The following DOCK2 variants were observed in gnomAD, a reference collection of about 807,000 sequenced individuals.
DOCK2 encodes dedicator of cytokinesis 2.
Under a neutral mutation model 248.9 loss-of-function variants are expected in DOCK2, and 87 were observed. The ratio of observed to expected loss-of-function variants is 0.35; its 90% CI spans 0.29 to 0.42. The LOEUF is 0.42. DOCK2 is among the 10% of genes least tolerant of loss of function. The pLI, the probability that DOCK2 is intolerant of heterozygous loss-of-function variation, is 1.00. For missense variants in DOCK2, 1,747 were observed against 2,300.2 expected (o/e 0.76, Z 4.92); for synonymous variants, 805 against 821.6 (o/e 0.98, Z 0.35).
chr5:169,644,688 T>C (rs988392554), intron 1 of DOCK2, among the ~76,000 whole-genome samples: 1 of 151,760 alleles, frequency 6.6e-6, no homozygotes, highest in African/African-American at 2.4e-5. Context: ...GTTTGTTACG[T>C]AGGTATACAT....
At chr5:169,743,491 A>G (rs185298711) in intron 22 of DOCK2, among the ~76,000 whole-genome samples, 2 of 152,344 alleles carry the variant, frequency 1.3e-5, no homozygotes, top group Admixed American at 1.3e-4. Context: ...AAGAATTTAT[A>G]ATGTTTACTT....
chr5:169,726,647 C>T (rs772785690), intron 22 of DOCK2, among the ~76,000 whole-genome samples: 1 of 152,142 alleles, frequency 6.6e-6, no homozygotes, highest in African/African-American at 2.4e-5. Context: ...TATTGGGCAC[C>T]TATTATGTGC....
At chr5:170,043,148 A>G (rs923587957) in intron 38 of DOCK2, among the ~76,000 whole-genome samples, 2 of 152,128 alleles carry the variant, frequency 1.3e-5, no homozygotes, top group African/African-American at 4.8e-5. Context: ...CCCTATAGAG[A>G]ACATTGCTCG....
rs1767366674 is a variant in DOCK2 at position 169,806,433 on chromosome 5, CG to C, written c.2703+3231del. ...CAAAGTGCTGGGATTACAAGCCACC[CG>C]GGGAGCTTTTTAAAAGTCAAACTAG... On this transcript the variant is annotated intron_variant, in intron 26 of 51. Coordinates refer to ENST00000520908, the MANE Select transcript of DOCK2 (RefSeq NM_004946.3). Among the ~76,000 whole-genome samples the C allele has an allele frequency of 2.6e-5, 4 of 152,030 alleles. No homozygotes were observed. The South Asian group carries it at 8.3e-4, about 32-fold the overall frequency.
chr5:169,672,812 A>G (rs1759117052), intron 5 of DOCK2, among the ~76,000 whole-genome samples: 1 of 152,174 alleles, frequency 6.6e-6, no homozygotes, highest in Non-Finnish European at 1.5e-5. Context: ...TTCCAGTTTC[A>G]TAATTTGTTA....
intron 25 of DOCK2, among the ~76,000 whole-genome samples, chr5:169,772,415 T>C (rs1765139949): frequency 6.6e-6 from 1 of 152,236 alleles, no homozygotes; most frequent in African/African-American, 2.4e-5. Flanking sequence ...ATAACAGCAC[T>C]GAACTGGGAG....
At chr5:169,736,616 C>T (rs1002384487) in intron 22 of DOCK2, among the ~76,000 whole-genome samples, 1 of 152,214 alleles carries the variant, frequency 6.6e-6, no homozygotes, top group Non-Finnish European at 1.5e-5. Flanking sequence ...GTGGGTTTCT[C>T]AGCCTGGAAT....
In DOCK2 at chr5:169,939,839, G is replaced by C. The variant is rs74539248; in HGVS notation, c.2800-43229G>C. Reference sequence around the variant, plus strand: ...AACCTAGAGTTAGCTCCTTCTCTGTGTCAGGCACTGAATAAGGTACTTTGC... The same window carrying C: ...AACCTAGAGTTAGCTCCTTCTCTGTCTCAGGCACTGAATAAGGTACTTTGC... On this transcript the variant is annotated intron_variant, in intron 27 of 51. Transcript: ENST00000520908. 7.9e-3 allele frequency among the ~76,000 whole-genome samples: 1,204 copies of C among 152,320 alleles called. 56 individuals carry two copies. The East Asian group carries it at 0.13, about 17-fold the overall frequency.
chr5:169,730,346 G>C (rs147103041), intron 22 of DOCK2, among the ~76,000 whole-genome samples: 1 of 152,206 alleles, frequency 6.6e-6, no homozygotes, highest in African/African-American at 2.4e-5. Context: ...CTATGAGCAA[G>C]TGCTCTCACA....
intron 27 of DOCK2, among the ~76,000 whole-genome samples, chr5:169,968,058 G>A (rs1777368122): frequency 6.6e-6 from 1 of 152,174 alleles, no homozygotes; most frequent in South Asian, 2.1e-4. Flanking sequence ...GTTGGATGCT[G>A]GATGCATAAG....
chr5:169,833,143 A>T (rs1769333984), intron 26 of DOCK2, among the ~76,000 whole-genome samples: 2 of 152,296 alleles, frequency 1.3e-5, no homozygotes, highest in African/African-American at 4.8e-5. Context: ...TTCTTTCTGT[A>T]AAATGGATTG....
intron 2 of DOCK2, among the ~76,000 whole-genome samples, chr5:169,664,697 C>G (rs10055343): frequency 6.6e-6 from 1 of 151,856 alleles, no homozygotes; most frequent in Non-Finnish European, 1.5e-5. Flanking sequence ...TCAGATCTCA[C>G]GAGAACTCGT....
At chr5:169,891,599 A>G (rs1231896436) in intron 27 of DOCK2, among the ~76,000 whole-genome samples, 1 of 152,128 alleles carries the variant, frequency 6.6e-6, no homozygotes, top group African/African-American at 2.4e-5. Context: ...GACTCAAAGC[A>G]AACCTAAAAA....
chr5:170,031,274 G>GTCATT (rs956677276), intron 34 of DOCK2, among the ~76,000 whole-genome samples: 2 of 152,146 alleles, frequency 1.3e-5, no homozygotes, highest in African/African-American at 2.4e-5. Context: ...CCTGTCACAG[G>GTCATT]TCATTTCATT....
intron 27 of DOCK2, among the ~76,000 whole-genome samples, chr5:169,841,102 A>G (rs1769939687): frequency 6.6e-6 from 1 of 152,152 alleles, no homozygotes; most frequent in Admixed American, 6.5e-5. Context: ...GCAAGGGTGG[A>G]CTATCACTGC....
intron 26 of DOCK2, among the ~76,000 whole-genome samples, chr5:169,805,261 G>A (rs1247004122): frequency 6.6e-6 from 1 of 151,760 alleles, no homozygotes; most frequent in East Asian, 1.9e-4. Flanking sequence ...AATTTGCCGG[G>A]TGTGGTGGCA....
intron 27 of DOCK2, among the ~76,000 whole-genome samples, chr5:169,960,684 C>T (rs1777048533): frequency 6.6e-6 from 1 of 152,158 alleles, no homozygotes; most frequent in African/African-American, 2.4e-5. Flanking sequence ...ATATTGTTGT[C>T]CCCTCCTCCC....
At chr5:169,915,219 C>T (rs1774810527) in intron 27 of DOCK2, among the ~76,000 whole-genome samples, 1 of 152,126 alleles carries the variant, frequency 6.6e-6, no homozygotes, top group African/African-American at 2.4e-5. Flanking sequence ...AAGGAGAGAA[C>T]TTTCGGGTAA....
At chr5:169,827,294 G>T (rs531014756) in intron 26 of DOCK2, among the ~76,000 whole-genome samples, 4 of 152,170 alleles carry the variant, frequency 2.6e-5, no homozygotes, top group Non-Finnish European at 5.9e-5. Context: ...TTGGAGAGGA[G>T]CTGCAACCTG....
Sources: allele counts gnomAD v4.1 joint callset (sites outside exome capture counted in the v4.1 genomes callset), GRCh38; gene constraint gnomAD v4.1.1; transcripts MANE v1.5; gene names NCBI Gene and HGNC (gene_info 2026-07-23, HGNC 2026-07-21).